Variants in GLRA2 observed in about 807,000 individuals in gnomAD.
GLRA2 encodes glycine receptor subunit alpha-2.
GLRA2 carries 11 observed loss-of-function variants against 31.6 expected under a neutral mutation model. The ratio of observed to expected loss-of-function variants is 0.35; its 90% CI spans 0.22 to 0.58. The LOEUF (loss-of-function observed/expected upper bound fraction) is 0.58, where lower values mean the gene tolerates loss of function less well. GLRA2 is among the 20% of genes least tolerant of loss of function. The pLI, the probability that GLRA2 is intolerant of heterozygous loss-of-function variation, is 0.84. For synonymous variants in GLRA2, 132 were observed against 134.0 expected (o/e 0.99, Z 0.10); for missense variants, 212 against 351.8 (o/e 0.60, Z 3.18).
chrX:14,507,689 C>CTTTTTTTTT, the GLRA2 span, among the ~76,000 whole-genome samples: 118 of 46,624 alleles, frequency 2.5e-3, 7 homozygotes, highest in Non-Finnish European at 3.9e-3. Flanking sequence ...GAAAGACATT[C>CTTTTTTTTT]TTTTTTTTTT....
At chrX:14,695,728 T>C (rs992061775) in intron 8 of GLRA2, among the ~76,000 whole-genome samples, 1 of 111,872 alleles carries the variant, frequency 8.9e-6, no homozygotes, top group Non-Finnish European at 1.9e-5. Context: ...CCAATTATGA[T>C]AGGATGTAGG....
At chrX:14,463,299 C>T in the GLRA2 span, among the ~76,000 whole-genome samples, 98 of 111,641 alleles carry the variant, frequency 8.8e-4, no homozygotes, top group African/African-American at 2.3e-3. Context: ...TCAGGCTACA[C>T]GGGGTCAGGG....
chrX:14,653,568 T>C (rs753654480), intron 7 of GLRA2, among the ~76,000 whole-genome samples: 1 of 111,666 alleles, frequency 9.0e-6, no homozygotes, highest in African/African-American at 3.3e-5. Context: ...AGATGAGGAG[T>C]TGATGAAGAA....
At chrX:14,473,699 TAAAC>T in the GLRA2 span, among the ~76,000 whole-genome samples, 2 of 112,125 alleles carry the variant, frequency 1.8e-5, no homozygotes, top group South Asian at 3.7e-4. Context: ...TTTAGAATAA[TAAAC>T]AAGCCTGCTC....
intron 2 of GLRA2, among the ~76,000 whole-genome samples, chrX:14,557,322 A>T (rs1308066346): frequency 9.2e-6 from 1 of 109,226 alleles, no homozygotes; most frequent in South Asian, 4.0e-4. Context: ...TCACCATGTT[A>T]GCCAGGGTGG....
At chrX:14,473,725 C>A in the GLRA2 span, among the ~76,000 whole-genome samples, 1 of 112,294 alleles carries the variant, frequency 8.9e-6, no homozygotes, top group Non-Finnish European at 1.9e-5. Flanking sequence ...GGCTTCATTT[C>A]TGTACACAGT....
intron 3 of GLRA2, among the ~76,000 whole-genome samples, chrX:14,575,630 T>C (rs369708844): frequency 9.4e-6 from 1 of 106,354 alleles, no homozygotes. Context: ...TCTGGTTAAT[T>C]AAAAAAAAAT....
At chrX:14,536,490 A>G (rs2089325763) in intron 2 of GLRA2, among the ~76,000 whole-genome samples, 1 of 112,433 alleles carries the variant, frequency 8.9e-6, no homozygotes, top group East Asian at 2.8e-4. Flanking sequence ...GCTTGCAAGT[A>G]TCAGAAGCAT....
intron 8 of GLRA2, among the ~76,000 whole-genome samples, chrX:14,714,345 G>A (rs769076760): frequency 3.5e-4 from 39 of 111,299 alleles, no homozygotes; most frequent in Non-Finnish European, 6.4e-4. Context: ...CATGTAGGCT[G>A]CTAAACATCC....
chrX:14,681,882 A>T (rs1213425701), intron 7 of GLRA2, among the ~76,000 whole-genome samples: 1 of 74,473 alleles, frequency 1.3e-5, no homozygotes, highest in Non-Finnish European at 2.6e-5. Context: ...ACAGTGCGAG[A>T]CACCATCTCA....
At chrX:14,650,654 T>C (rs1196908413) in intron 7 of GLRA2, among the ~76,000 whole-genome samples, 2 of 111,436 alleles carry the variant, frequency 1.8e-5, no homozygotes, top group Non-Finnish European at 3.8e-5. Context: ...AATTTTTAAT[T>C]ATAATAGACA....
At chrX:14,482,144 G>T in the GLRA2 span, among the ~76,000 whole-genome samples, 1 of 111,507 alleles carries the variant, frequency 9.0e-6, no homozygotes, top group African/African-American at 3.3e-5. Context: ...AAACTTACTT[G>T]ATATCTCATC....
the GLRA2 span, among the ~76,000 whole-genome samples, chrX:14,504,625 A>G: frequency 1.8e-5 from 2 of 111,755 alleles, no homozygotes; most frequent in East Asian, 5.6e-4. Flanking sequence ...CCCATGCTTG[A>G]GTTACTTAAT....
At chrX:14,661,886 A>T (rs2090994352) in intron 7 of GLRA2, among the ~76,000 whole-genome samples, 1 of 108,208 alleles carries the variant, frequency 9.2e-6, no homozygotes, top group South Asian at 4.0e-4. Flanking sequence ...AAAAAAAAAA[A>T]AAAAAAGTAG....
chrX:14,655,829 T>C (rs1274287820), intron 7 of GLRA2, among the ~76,000 whole-genome samples: 2 of 112,226 alleles, frequency 1.8e-5, no homozygotes, highest in East Asian at 2.8e-4. Flanking sequence ...CCAAATATGA[T>C]GTAACCTCCC....
chrX:14,567,000 C>T (rs972971148), intron 2 of GLRA2, among the ~76,000 whole-genome samples: 1 of 110,679 alleles, frequency 9.0e-6, no homozygotes, highest in African/African-American at 3.3e-5. Flanking sequence ...TAAACTTTCA[C>T]GTTGTGGTTG....
chrX:14,543,236 CAAAAAAAAAAAAAA>C (rs60906048), intron 2 of GLRA2, among the ~76,000 whole-genome samples: 1 of 23,378 alleles, frequency 4.3e-5, no homozygotes, highest in African/African-American at 1.6e-4. Context: ...TTGTCATCTG[CAAAAAAAAAAAAAA>C]AAAAAAAAAA....
intron 2 of GLRA2, among the ~76,000 whole-genome samples, chrX:14,546,611 T>A (rs1327689680): frequency 1.9e-5 from 2 of 107,924 alleles, no homozygotes; most frequent in Non-Finnish European, 3.9e-5. Context: ...TTTTTTTTTT[T>A]TCTGCCTACA....
At chrX:14,471,220 C>A in the GLRA2 span, among the ~76,000 whole-genome samples, 3 of 111,917 alleles carry the variant, frequency 2.7e-5, no homozygotes, top group Admixed American at 2.9e-4. Flanking sequence ...CCTAATAAAT[C>A]ATGTGCAAAA....
Sources: allele counts gnomAD v4.1 joint callset (sites outside exome capture counted in the v4.1 genomes callset), GRCh38; gene constraint gnomAD v4.1.1; transcripts MANE v1.5; gene names NCBI Gene and HGNC (gene_info 2026-07-23, HGNC 2026-07-21).